CFAP54: variants seen among roughly 807,000 people sequenced by gnomAD.
The protein encoded by CFAP54 is cilia- and flagella-associated protein 54.
CFAP54 carries 290 observed loss-of-function variants against 370.4 expected under a neutral mutation model. The observed-to-expected ratio is 0.78, with a 90% confidence interval of 0.71 to 0.86. The LOEUF is 0.86. Ranked by LOEUF, CFAP54 falls within the 40% of genes least tolerant of loss-of-function variation. The probability of loss-of-function intolerance (pLI) is 0.00; values close to 1 mark genes in which losing one functional copy is unlikely to be tolerated. For synonymous variants in CFAP54, 1,206 were observed against 1,236.5 expected (o/e 0.98, Z 0.52); for missense variants, 3,399 against 3,528.7 (o/e 0.96, Z 0.93).
chr12:96,507,709 G>C (rs1955122947), intron 4 of CFAP54, among the ~76,000 whole-genome samples: 1 of 152,182 alleles, frequency 6.6e-6, no homozygotes, highest in African/African-American at 2.4e-5. Context: ...TTGACAGTGT[G>C]TTCGATGTGC....
At chr12:96,769,645 A>G (rs915153986) in intron 60 of CFAP54, among the ~76,000 whole-genome samples, 2 of 152,192 alleles carry the variant, frequency 1.3e-5, no homozygotes, top group African/African-American at 4.8e-5. Context: ...GCAGCTATAC[A>G]GTGTCAACAT....
At chr12:96,717,508 ATTTG>A (rs776164174) in intron 48 of CFAP54, among the ~76,000 whole-genome samples, 1 of 152,190 alleles carries the variant, frequency 6.6e-6, no homozygotes, top group Non-Finnish European at 1.5e-5. Flanking sequence ...TTTTTCTGTC[ATTTG>A]TAGTCAAATG....
chr12:96,517,704 A>G (rs1228615385), intron 5 of CFAP54, among the ~76,000 whole-genome samples: 2 of 152,264 alleles, frequency 1.3e-5, no homozygotes, highest in Non-Finnish European at 2.9e-5. Context: ...GAAGAGGTAC[A>G]GTGTCCACAA....
chr12:96,501,231 T>C (rs561679561), intron 2 of CFAP54: 126 of 231,472 alleles, frequency 5.4e-4, no homozygotes, highest in Non-Finnish European at 8.2e-4. Flanking sequence ...CAACAGGAAA[T>C]GCTGAATCAT....
In CFAP54 at chr12:96,527,223, ACTT is replaced by A; in HGVS notation, c.1159-22_1159-20del. ...ATAATAGCTTTAACAAATGGACTGA[ACTT>A]TTTTTTTTCTCAATTTCAGTTATCA... On this transcript the variant is annotated intron_variant, in intron 8 of 67. Coordinates refer to ENST00000524981, the MANE Select transcript of CFAP54 (RefSeq NM_001306084.2). 1 of 1,485,730 alleles carries A rather than the reference ACTT, an allele frequency of 6.7e-7. No individual in the cohort carries two copies. Among genetic ancestry groups the A allele is most frequent in the East Asian group, 2.5e-5 (1 of 40,244 alleles). The allele number at this position is 1,485,730 out of a possible 1,614,324, so 92.0% of individuals were successfully genotyped here. A position where few individuals can be genotyped will look rare whatever the true frequency, so the allele number is the denominator to read the frequency against.
chr12:96,750,179 G>A (rs1456481100), intron 55 of CFAP54, among the ~76,000 whole-genome samples: 2 of 152,140 alleles, frequency 1.3e-5, no homozygotes, highest in African/African-American at 4.8e-5. Flanking sequence ...TTTGATCCAA[G>A]GCTGCCTGCC....
chr12:96,874,659 T>C (rs1373277285), intron 67 of CFAP54, among the ~76,000 whole-genome samples: 1 of 117,728 alleles, frequency 8.5e-6, no homozygotes, highest in Non-Finnish European at 1.7e-5. Context: ...AGACGGAGTC[T>C]CGCTCTGTCG....
intron 12 of CFAP54, among the ~76,000 whole-genome samples, chr12:96,536,293 G>A (rs1955502392): frequency 6.6e-6 from 1 of 152,074 alleles, no homozygotes; most frequent in African/African-American, 2.4e-5. Context: ...TGTTACTTTT[G>A]TATATAACAC....
At chr12:96,684,498 C>T (rs1436378727) in intron 40 of CFAP54, 150 bp from the exon 41 acceptor site, 11 of 612,818 alleles carry the variant, frequency 1.8e-5, no homozygotes, top group South Asian at 4.3e-5. Context: ...GTATATATAT[C>T]GTGTGACATT....
intron 23 of CFAP54, among the ~76,000 whole-genome samples, chr12:96,591,340 C>T (rs1592867527): frequency 6.6e-6 from 1 of 151,786 alleles, no homozygotes; most frequent in Admixed American, 6.6e-5. Context: ...TTTTGCAATT[C>T]GCTAAGGAAA....
rs555400766 is a variant in CFAP54 at position 96,635,845 on chromosome 12, T to A, written c.4316+5194T>A. On this transcript the variant is annotated intron_variant, in intron 32 of 67. Coordinates refer to ENST00000524981, the MANE Select transcript of CFAP54 (RefSeq NM_001306084.2). The stretch of plus-strand genomic sequence containing the variant: ...CAGAAGGTACATACCAAGGGCAAAG[T>A]CCAGACGGCTTCTGAGCACAGGAGC... Among the ~76,000 whole-genome samples, 37 of 152,276 alleles carry A rather than the reference T, an allele frequency of 2.4e-4. No individual in the cohort carries two copies. The South Asian group carries it at 6.8e-3, about 28-fold the overall frequency.
At chr12:96,646,177 G>A (rs1229214280) in intron 33 of CFAP54, 2 of 152,006 alleles carry the variant, frequency 1.3e-5, no homozygotes, top group Non-Finnish European at 2.9e-5. Flanking sequence ...CTACAGAATG[G>A]GAGAAAATTT....
At chr12:96,723,922 T>C (rs1957794401) in intron 50 of CFAP54, among the ~76,000 whole-genome samples, 1 of 147,692 alleles carries the variant, frequency 6.8e-6, no homozygotes, top group Admixed American at 6.9e-5. Flanking sequence ...AGTGAGAACA[T>C]GCGGTGTTTG....
At chr12:96,753,616 A>T (rs1396006391) in intron 55 of CFAP54, 127 bp from the exon 56 acceptor site, 4 of 886,676 alleles carry the variant, frequency 4.5e-6, no homozygotes, top group South Asian at 2.2e-5. Context: ...TTGGATGCTA[A>T]AAACTGTAAA....
At chr12:96,713,352 A>G (rs578082520) in intron 48 of CFAP54, among the ~76,000 whole-genome samples, 1 of 152,318 alleles carries the variant, frequency 6.6e-6, no homozygotes, top group Non-Finnish European at 1.5e-5. Flanking sequence ...TTATTCAGCC[A>G]TAAAAAAGAA....
chr12:96,661,582 G>A (rs1162480313), intron 38 of CFAP54, among the ~76,000 whole-genome samples: 2 of 152,214 alleles, frequency 1.3e-5, no homozygotes, highest in Non-Finnish European at 2.9e-5. Flanking sequence ...AGTTGTAGAA[G>A]CAGCTGCTGC....
chr12:96,579,025 T>A (rs1458932737), intron 20 of CFAP54, among the ~76,000 whole-genome samples: 1 of 152,142 alleles, frequency 6.6e-6, no homozygotes, highest in East Asian at 1.9e-4. Flanking sequence ...TTAGAGAGAA[T>A]TTTACCCTCC....
chr12:96,507,311 A>T (rs890099572), intron 4 of CFAP54, among the ~76,000 whole-genome samples: 1 of 152,178 alleles, frequency 6.6e-6, no homozygotes, highest in African/African-American at 2.4e-5. Flanking sequence ...AAAGGGTCAG[A>T]GACTGTGGGA....
intron 67 of CFAP54, among the ~76,000 whole-genome samples, chr12:96,872,984 C>T (rs1045665323): frequency 6.6e-6 from 1 of 152,106 alleles, no homozygotes; most frequent in African/African-American, 2.4e-5. Context: ...GAATAGATAG[C>T]CATCAGATGA....
Sources: gnomAD v4.1 joint callset for allele counts (sites outside exome capture counted in the v4.1 genomes callset) on GRCh38, gnomAD v4.1.1 for gene constraint, MANE v1.5 for transcripts, NCBI Gene and HGNC (gene_info 2026-07-23, HGNC 2026-07-21) for gene names.